The following PTPRD variants were observed in gnomAD, a reference collection of about 807,000 sequenced individuals.
PTPRD encodes the protein receptor-type tyrosine-protein phosphatase delta.
In PTPRD, 34 loss-of-function variants were observed where a neutral mutation model predicts 214.5. That is an observed-to-expected ratio of 0.16 (90% CI 0.12 to 0.21). The LOEUF is 0.21. PTPRD is among the 10% of genes least tolerant of loss of function. PTPRD has a pLI of 1.00. For synonymous variants in PTPRD, 1,128 were observed against 845.7 expected (o/e 1.33, Z -5.79); for missense variants, 2,545 against 2,398.7 (o/e 1.06, Z -1.27).
chr9:8,727,818 GT>G (rs992913211), intron 12 of PTPRD, among the ~76,000 whole-genome samples: 4 of 151,710 alleles, frequency 2.6e-5, no homozygotes, highest in South Asian at 2.1e-4. Flanking sequence ...ACAACTGGCT[GT>G]TTTTTTTCCT....
chr9:8,667,029 G>C (rs941332757), intron 12 of PTPRD, among the ~76,000 whole-genome samples: 1 of 152,122 alleles, frequency 6.6e-6, no homozygotes, highest in Non-Finnish European at 1.5e-5. Flanking sequence ...AAGGGAATTT[G>C]GAGGGCCAGT....
chr9:9,969,942 T>C (rs542470804), intron 4 of PTPRD, among the ~76,000 whole-genome samples: 1 of 152,272 alleles, frequency 6.6e-6, no homozygotes, highest in South Asian at 2.1e-4. Flanking sequence ...AACTGCACTG[T>C]GCTTTCTTAT....
intron 2 of PTPRD, among the ~76,000 whole-genome samples, chr9:10,580,963 T>C (rs977331655): frequency 9.8e-5 from 15 of 152,312 alleles, no homozygotes; most frequent in African/African-American, 3.4e-4. Flanking sequence ...AGAAGCACTG[T>C]TCTCACAGTA....
At chr9:9,867,588 G>A (rs1398489447) in intron 5 of PTPRD, among the ~76,000 whole-genome samples, 1 of 151,912 alleles carries the variant, frequency 6.6e-6, no homozygotes, top group Non-Finnish European at 1.5e-5. Context: ...TTTCAAAGGA[G>A]AATAAAAAAT....
chr9:9,579,229 A>G (rs181276039), intron 7 of PTPRD, among the ~76,000 whole-genome samples: 123 of 152,264 alleles, frequency 8.1e-4, no homozygotes, highest in African/African-American at 2.8e-3. Context: ...ATTAATAACT[A>G]CAGTTAACAT....
chr9:8,754,535 T>C (rs529693347), intron 11 of PTPRD, among the ~76,000 whole-genome samples: 17 of 152,306 alleles, frequency 1.1e-4, no homozygotes, highest in Non-Finnish European at 2.4e-4. Flanking sequence ...GGTGATGGGT[T>C]AAATGGGTAT....
chr9:9,971,733 G>A (rs2095112889), intron 4 of PTPRD, among the ~76,000 whole-genome samples: 1 of 152,116 alleles, frequency 6.6e-6, no homozygotes, highest in Non-Finnish European at 1.5e-5. Context: ...TTTATTTAGA[G>A]AGAAGTAATC....
intron 5 of PTPRD, among the ~76,000 whole-genome samples, chr9:9,773,621 A>T (rs2098771550): frequency 1.3e-5 from 2 of 152,220 alleles, no homozygotes; most frequent in African/African-American, 4.8e-5. Flanking sequence ...AGAATGAAAC[A>T]GTCTAAGCCT....
intron 5 of PTPRD, chr9:9,799,748 A>G (rs1377365717): frequency 6.6e-6 from 1 of 152,240 alleles, no homozygotes; most frequent in Non-Finnish European, 1.5e-5. Flanking sequence ...AATGAATATA[A>G]ATAAAGGGTT....
chr9:9,177,397 C>T (rs527500445), intron 10 of PTPRD, among the ~76,000 whole-genome samples: 2 of 151,956 alleles, frequency 1.3e-5, no homozygotes, highest in East Asian at 1.9e-4. Flanking sequence ...AACCATATCA[C>T]GACCCTAATT....
At chr9:9,138,539 A>G (rs907901624) in intron 10 of PTPRD, among the ~76,000 whole-genome samples, 8 of 150,934 alleles carry the variant, frequency 5.3e-5, no homozygotes, top group African/African-American at 2.0e-4. Context: ...CCATTTACCC[A>G]TTTCTTTCAC....
chr9:10,147,031 C>T (rs1473004766), intron 3 of PTPRD, among the ~76,000 whole-genome samples: 3 of 152,020 alleles, frequency 2.0e-5, no homozygotes, highest in East Asian at 1.9e-4. Flanking sequence ...TATTCTACCC[C>T]GTGCCAAAAT....
At position 9,823,503 on chromosome 9, in the gene PTPRD, C is replaced by T. The variant is rs1022726120; in HGVS notation, c.-367-56652G>A. Among the ~76,000 whole-genome samples, 4 of 151,844 alleles carry T rather than the reference C, an allele frequency of 2.6e-5. No homozygotes were observed. The East Asian group carries it at 5.8e-4, about 22-fold the overall frequency. ...ATTGAACATGAGATTTGGCTAGGGA[C>T]AAATATCCAAACTATACCAATATAC... On this transcript the variant is annotated intron_variant, in intron 5 of 45. Transcript: ENST00000381196.
intron 11 of PTPRD, among the ~76,000 whole-genome samples, chr9:8,937,438 T>G (rs971364209): frequency 3.3e-5 from 5 of 152,198 alleles, no homozygotes. Context: ...CATTCATAAG[T>G]GCTCTAGTTC....
chr9:9,080,542 T>C (rs1009564991), intron 10 of PTPRD, among the ~76,000 whole-genome samples: 1 of 151,930 alleles, frequency 6.6e-6, no homozygotes, highest in Non-Finnish European at 1.5e-5. Flanking sequence ...ACAAATAGGG[T>C]TAGGTAATTC....
intron 2 of PTPRD, among the ~76,000 whole-genome samples, chr9:10,508,989 G>A (rs1234973196): frequency 6.6e-6 from 1 of 151,886 alleles, no homozygotes; most frequent in Admixed American, 6.6e-5. Flanking sequence ...GGCATATAAT[G>A]TCGATATGTG....
chr9:9,047,608 A>T (rs1590471530), intron 10 of PTPRD, among the ~76,000 whole-genome samples: 1 of 152,132 alleles, frequency 6.6e-6, no homozygotes, highest in East Asian at 1.9e-4. Flanking sequence ...CCTACAGTGA[A>T]CTCATTTTTG....
intron 5 of PTPRD, among the ~76,000 whole-genome samples, chr9:9,781,086 T>A (rs1004850834): frequency 1.3e-5 from 2 of 152,128 alleles, no homozygotes; most frequent in Non-Finnish European, 2.9e-5. Flanking sequence ...GCAGTGAAAC[T>A]ATTCTGCTTG....
intron 8 of PTPRD, among the ~76,000 whole-genome samples, chr9:9,491,896 G>A (rs1044460622): frequency 6.6e-6 from 1 of 151,754 alleles, no homozygotes. Flanking sequence ...ACAGTAAAGA[G>A]CAGAGATCAA....
Sources: allele counts gnomAD v4.1 joint callset (sites outside exome capture counted in the v4.1 genomes callset), GRCh38; gene constraint gnomAD v4.1.1; transcripts MANE v1.5; gene names NCBI Gene and HGNC (gene_info 2026-07-23, HGNC 2026-07-21).